Variants in DGKI observed in about 807,000 individuals in gnomAD.
DGKI encodes diacylglycerol kinase iota.
Under a neutral mutation model 147.5 loss-of-function variants are expected in DGKI, and 55 were observed. The observed-to-expected ratio is 0.37, with a 90% confidence interval of 0.30 to 0.47. The LOEUF (loss-of-function observed/expected upper bound fraction) is 0.47. Among genes scored for constraint, DGKI ranks in the 20% least tolerant of loss-of-function variants. The probability of loss-of-function intolerance (pLI) is 1.00; values close to 1 mark genes in which losing one functional copy is unlikely to be tolerated. For missense variants in DGKI, 1,007 were observed against 1,323.8 expected, an observed-to-expected ratio of 0.76 and a Z score of 3.71; for synonymous variants, 469 against 477.1, an observed-to-expected ratio of 0.98 and a Z score of 0.22.
At chr7:137,506,032 G>A (rs558463304) in intron 21 of DGKI, among the ~76,000 whole-genome samples, 37 of 152,252 alleles carry the variant, frequency 2.4e-4, no homozygotes, top group African/African-American at 7.2e-4. Context: ...GCACAGCCAC[G>A]TTGAAAGACA....
chr7:137,724,066 AAG>A (rs34250953), intron 1 of DGKI, among the ~76,000 whole-genome samples: 33,162 of 148,462 alleles, frequency 0.22, 6,615 homozygotes, highest in African/African-American at 0.53. Flanking sequence ...TACATTAGGT[AAG>A]AGAGAGAGAG....
At chr7:137,585,519 A>G (rs894443525) in intron 13 of DGKI, among the ~76,000 whole-genome samples, 173 bp from the exon 14 acceptor site, 1 of 152,260 alleles carries the variant, frequency 6.6e-6, no homozygotes, top group Non-Finnish European at 1.5e-5. Flanking sequence ...TACTATAAGT[A>G]AGATACATAG....
chr7:137,713,334 C>T (rs1794274949), intron 1 of DGKI, among the ~76,000 whole-genome samples: 2 of 152,196 alleles, frequency 1.3e-5, no homozygotes, highest in Admixed American at 6.5e-5. Context: ...TGTGATTTGG[C>T]CTAATTTTAG....
At chr7:137,521,434 T>C (rs1816956949) in intron 21 of DGKI, among the ~76,000 whole-genome samples, 1 of 152,054 alleles carries the variant, frequency 6.6e-6, no homozygotes, top group African/African-American at 2.4e-5. Flanking sequence ...AATAGCATAA[T>C]ATCTAGAAGT....
intron 1 of DGKI, among the ~76,000 whole-genome samples, chr7:137,829,856 G>A (rs1390654857): frequency 6.6e-6 from 1 of 152,218 alleles, no homozygotes; most frequent in Non-Finnish European, 1.5e-5. Context: ...GGAAGAGTTG[G>A]TCACAGGCAT....
At chr7:137,665,444 G>T (rs994343826) in intron 3 of DGKI, among the ~76,000 whole-genome samples, 23 of 152,272 alleles carry the variant, frequency 1.5e-4, no homozygotes, top group Admixed American at 1.2e-3. Flanking sequence ...TGTATGCTGG[G>T]CTGACAGCAT....
intron 22 of DGKI, among the ~76,000 whole-genome samples, chr7:137,486,811 C>G (rs1296752863): frequency 1.3e-5 from 2 of 151,972 alleles, no homozygotes; most frequent in African/African-American, 4.8e-5. Context: ...TTGTCTGGGA[C>G]AGAATTGCTT....
rs1811198928 is a variant in DGKI at position 137,387,145 on chromosome 7, C to A, written c.*4075G>T. On this transcript the variant is annotated 3_prime_UTR_variant, in exon 33 of 33. Transcript: ENST00000614521. ...TAATTAAATATCACTAGGCAACCTA[C>A]TGAGTGTTAGTGTTACAAACAGCCT... 1 of 152,160 alleles carries A rather than the reference C, an allele frequency of 6.6e-6. No homozygotes were observed. The highest frequency in any genetic ancestry group is 6.6e-5 in the Admixed American group (1 of 15,256). The allele number at this position is 152,160 out of a possible 1,614,324, so 9.4% of individuals were successfully genotyped here. A position where few individuals can be genotyped will look rare whatever the true frequency, so the allele number is the denominator to read the frequency against.
intron 17 of DGKI, 53 bp from the exon 18 acceptor site, chr7:137,572,891 C>A: frequency 7.4e-7 from 1 of 1,349,098 alleles, no homozygotes; most frequent in East Asian, 2.3e-5. Context: ...AGTCTAAAAA[C>A]CTATGAAAGA....
At chr7:137,550,881 T>C (rs1280392552) in intron 20 of DGKI, among the ~76,000 whole-genome samples, 9 of 152,224 alleles carry the variant, frequency 5.9e-5, no homozygotes, top group Non-Finnish European at 1.2e-4. Context: ...TAGTAGTTCA[T>C]AGATTTCCAG....
rs1811047662 is a variant in DGKI at position 137,381,041 on chromosome 7, T to C, written c.*10179A>G. 2 of 152,218 alleles carry C rather than the reference T, an allele frequency of 1.3e-5. No individual in the cohort carries two copies. The highest frequency in any genetic ancestry group is 4.8e-5 in the African/African-American group (2 of 41,540). The allele number at this position is 152,218 out of a possible 1,614,324, so 9.4% of individuals were successfully genotyped here. Reference sequence around the variant, plus strand: ...AGAAAAAATAAACAAATGAACTACATTTCTTCATTTTTATTCTGTACATTT... The same window carrying C: ...AGAAAAAATAAACAAATGAACTACACTTCTTCATTTTTATTCTGTACATTT... On this transcript the variant is annotated 3_prime_UTR_variant, in exon 33 of 33. Coordinates refer to ENST00000614521, the MANE Select transcript of DGKI (RefSeq NM_001321708.2).
In DGKI at chr7:137,840,644, C is replaced by G. The variant is rs1039046099; in HGVS notation, c.401+5818G>C. ...GCTGCCTAAATGGCTGATGCAGGTA[C>G]GCAAACAGGAAGCTGTAAACAGTAA... On this transcript the variant is annotated intron_variant, in intron 1 of 32. Transcript: ENST00000614521. Among the ~76,000 whole-genome samples the G allele has an allele frequency of 5.3e-5, 8 of 152,282 alleles. No individual in the cohort carries two copies. The East Asian group carries it at 1.4e-3, about 26-fold the overall frequency.
At chr7:137,607,479 T>G (rs1346283081) in intron 10 of DGKI, among the ~76,000 whole-genome samples, 1 of 152,194 alleles carries the variant, frequency 6.6e-6, no homozygotes, top group African/African-American at 2.4e-5. Context: ...AGGCTATGTC[T>G]TAACTGGATC....
chr7:137,749,656 C>A (rs1329785787), intron 1 of DGKI, among the ~76,000 whole-genome samples: 1 of 152,112 alleles, frequency 6.6e-6, no homozygotes, highest in East Asian at 1.9e-4. Flanking sequence ...AGTGCTTGAG[C>A]TTAAAGGGTT....
intron 3 of DGKI, among the ~76,000 whole-genome samples, chr7:137,675,344 G>A (rs557371997): frequency 6.6e-6 from 1 of 152,226 alleles, no homozygotes; most frequent in Admixed American, 6.5e-5. Context: ...CTCAAAGTTA[G>A]GTTTGCGACC....
chr7:137,462,638 T>C (rs543988269), intron 27 of DGKI, among the ~76,000 whole-genome samples: 1 of 152,184 alleles, frequency 6.6e-6, no homozygotes, highest in African/African-American at 2.4e-5. Flanking sequence ...GAATCTTCAG[T>C]TATCTTGTTA....
intron 28 of DGKI, among the ~76,000 whole-genome samples, chr7:137,416,069 TAA>T (rs1202598520): frequency 7.2e-5 from 11 of 151,790 alleles, no homozygotes; most frequent in African/African-American, 2.7e-4. Flanking sequence ...TCTCAGAATT[TAA>T]AAGTTAATAA....
intron 21 of DGKI, among the ~76,000 whole-genome samples, chr7:137,492,025 G>A (rs965978973): frequency 4.9e-4 from 74 of 152,142 alleles, no homozygotes; most frequent in African/African-American, 1.7e-3. Context: ...AGCCAGAAAT[G>A]GGACATATCT....
At position 137,716,645 on chromosome 7, in the gene DGKI, A is replaced by G. The variant is rs78665247; in HGVS notation, c.402-26643T>C. ...TTGAAAGACTGAAAGATAAACCAAG[A>G]GCAAACATGTCATCACTGACCAAGA... On this transcript the variant is annotated intron_variant, in intron 1 of 32. Coordinates refer to ENST00000614521, the MANE Select transcript of DGKI (RefSeq NM_001321708.2). Among the ~76,000 whole-genome samples the G allele has an allele frequency of 2.2e-3, 335 of 152,332 alleles. 1 individual carries two copies. The highest frequency in any genetic ancestry group is 7.7e-3 in the African/African-American group (321 of 41,582).
Sources: allele counts gnomAD v4.1 joint callset (sites outside exome capture counted in the v4.1 genomes callset), GRCh38; gene constraint gnomAD v4.1.1; transcripts MANE v1.5; gene names NCBI Gene and HGNC (gene_info 2026-07-23, HGNC 2026-07-21).